COPS3: variants seen among roughly 807,000 people sequenced by gnomAD.
The protein encoded by COPS3 is COP9 signalosome subunit 3, also known as COP9 signalosome complex subunit 3.
Under a neutral mutation model 58.2 loss-of-function variants are expected in COPS3, and 10 were observed. The observed-to-expected ratio is 0.17, with a 90% CI of 0.11 to 0.29. The LOEUF is 0.29. Ranked by LOEUF, COPS3 falls within the 10% of genes least tolerant of loss-of-function variation. The probability of loss-of-function intolerance (pLI) is 1.00; values close to 1 mark genes in which losing one functional copy is unlikely to be tolerated. For missense variants in COPS3, 333 were observed against 510.1 expected, an observed-to-expected ratio of 0.65 and a Z score of 3.34; for synonymous variants, 187 against 181.7, an observed-to-expected ratio of 1.03 and a Z score of -0.24.
chr17:17,248,635 C>T (rs546517230), intron 10 of COPS3, among the ~76,000 whole-genome samples: 82 of 152,166 alleles, frequency 5.4e-4, no homozygotes, highest in Non-Finnish European at 9.0e-4. Context: ...TTTTAAGCAG[C>T]CCATTCTGGG....
chr17:17,268,763 G>A (rs1347322640), intron 4 of COPS3, among the ~76,000 whole-genome samples: 1 of 151,864 alleles, frequency 6.6e-6, no homozygotes, highest in Non-Finnish European at 1.5e-5. Context: ...AGGTTGCAGT[G>A]AGCTGAGATC....
intron 6 of COPS3, among the ~76,000 whole-genome samples, chr17:17,262,330 G>C (rs548685200): frequency 5.3e-5 from 8 of 152,238 alleles, no homozygotes; most frequent in Admixed American, 5.2e-4. Context: ...ATGTAATTAT[G>C]GCTCACTGTA....
chr17:17,249,445 T>A (rs1056046648), intron 9 of COPS3, among the ~76,000 whole-genome samples: 1 of 152,162 alleles, frequency 6.6e-6, no homozygotes, highest in East Asian at 1.9e-4. Flanking sequence ...TGCCTCAGCC[T>A]CCCAAGTAAC....
intron 9 of COPS3, among the ~76,000 whole-genome samples, chr17:17,252,481 C>T (rs778234982): frequency 1.5e-4 from 19 of 129,036 alleles, no homozygotes; most frequent in African/African-American, 5.6e-4. Context: ...CACTGCAGGA[C>T]GTTTAGCAGC....
rs751587807 is a variant in COPS3, at chr17:17,268,852, ATAT to A, written c.349-878_349-876del. ...AACAACAACAACAACAACAACAAAA[ATAT>A]ATATATATATATGTGAAGAGACTAA... is the stretch of plus-strand genomic sequence containing the variant. On this transcript the variant is annotated intron_variant, in intron 4 of 11. Transcript: ENST00000268717. Among the ~76,000 whole-genome samples, 258 of 44,580 alleles carry A rather than the reference ATAT, an allele frequency of 5.8e-3. 1 individual carries two copies. Among genetic ancestry groups the A allele is most frequent in the Admixed American group, 0.022 (84 of 3,840 alleles). 29.2% of individuals were successfully genotyped at this position (44,580 alleles called of 152,430 possible).
chr17:17,273,479 T>C (rs991490248), intron 2 of COPS3, among the ~76,000 whole-genome samples: 28 of 152,102 alleles, frequency 1.8e-4, no homozygotes, highest in African/African-American at 6.8e-4. Flanking sequence ...GCACAGTGGC[T>C]CACACCTGTA....
At chr17:17,248,460 G>A (rs372040272) in intron 10 of COPS3, among the ~76,000 whole-genome samples, 4 of 152,046 alleles carry the variant, frequency 2.6e-5, no homozygotes, top group South Asian at 2.1e-4. Flanking sequence ...GATTACAGGC[G>A]TGCACCACCA....
At chr17:17,248,661 T>C (rs1202296777) in intron 10 of COPS3, among the ~76,000 whole-genome samples, 3 of 152,122 alleles carry the variant, frequency 2.0e-5, no homozygotes, top group Non-Finnish European at 4.4e-5. Flanking sequence ...TTTGTTGTTG[T>C]TGCTGCTTTT....
At chr17:17,258,917 C>T (rs908981562) in intron 8 of COPS3, among the ~76,000 whole-genome samples, 16 of 152,140 alleles carry the variant, frequency 1.1e-4, no homozygotes, top group African/African-American at 3.9e-4. Flanking sequence ...GCTAGTCTTT[C>T]TAGAGTATTT....
intron 5 of COPS3, among the ~76,000 whole-genome samples, chr17:17,265,923 G>A (rs923181462): frequency 2.6e-5 from 4 of 152,144 alleles, no homozygotes; most frequent in Non-Finnish European, 5.9e-5. Flanking sequence ...TAATCCTTTA[G>A]GTAAATACAG....
chr17:17,269,806 T>G (rs1597693013), intron 4 of COPS3, among the ~76,000 whole-genome samples: 1 of 152,180 alleles, frequency 6.6e-6, no homozygotes, highest in Admixed American at 6.5e-5. Flanking sequence ...AAGACAGTCC[T>G]TTTCACTGGG....
At position 17,280,639 on chromosome 17, in the gene COPS3, C is replaced by T. The variant is rs1438483512; in HGVS notation, c.55+493G>A. The T allele has an allele frequency of 2.3e-6, 3 of 1,304,220 alleles. No individual in the cohort carries two copies. The Admixed American group carries it at 6.9e-5, about 30-fold the overall frequency. 80.8% of individuals were successfully genotyped at this position (1,304,220 alleles called of 1,614,324 possible). On this transcript the variant is annotated intron_variant, in intron 1 of 11. Transcript: ENST00000268717. ...CGCACAGGTTCCCGAGCGTGCGCCG[C>T]CTGGCAGCGGAGGAGCTGGCAGAGG...
At chr17:17,273,631 G>C (rs2048398086) in intron 2 of COPS3, among the ~76,000 whole-genome samples, 1 of 152,016 alleles carries the variant, frequency 6.6e-6, no homozygotes, top group South Asian at 2.1e-4. Context: ...TGGGCAGATT[G>C]CTTGAGCTCA....
At chr17:17,264,677 C>G in intron 6 of COPS3, 125 bp downstream of exon 6, 1 of 710,214 alleles carries the variant, frequency 1.4e-6, no homozygotes, top group Non-Finnish European at 2.3e-6. Context: ...GAGAAGTAGT[C>G]TCTGAAAGGA....
intron 9 of COPS3, among the ~76,000 whole-genome samples, chr17:17,250,221 A>T (rs1252207286): frequency 6.7e-6 from 1 of 150,218 alleles, no homozygotes; most frequent in Non-Finnish European, 1.5e-5. Flanking sequence ...GCATTTTTCA[A>T]CATCAGCTGC....
Position 17,276,021 on chromosome 17 carries a change from A to G in COPS3, c.185+14T>C. The G allele has an allele frequency of 6.2e-7, 1 of 1,611,726 alleles. No homozygotes were observed. The highest frequency in any genetic ancestry group is 8.5e-7 in the Non-Finnish European group (1 of 1,178,488). Reference sequence around the variant, plus strand: ...TTTAACAAGCACAGAACTATAAAAGAAGATGCTCCTTACAAAACAGCAAGG... The same window carrying G: ...TTTAACAAGCACAGAACTATAAAAGGAGATGCTCCTTACAAAACAGCAAGG... On this transcript the variant is annotated intron_variant, in intron 2 of 11. Transcript: ENST00000268717.
intron 4 of COPS3, among the ~76,000 whole-genome samples, chr17:17,268,864 A>G (rs2048287259): frequency 6.6e-6 from 1 of 152,010 alleles, no homozygotes; most frequent in Non-Finnish European, 1.5e-5. Context: ...ATATATATAT[A>G]TATGTGAAGA....
intron 5 of COPS3, among the ~76,000 whole-genome samples, chr17:17,266,219 C>A (rs894135037): frequency 1.3e-5 from 2 of 152,264 alleles, no homozygotes; most frequent in East Asian, 3.9e-4. Context: ...TAGAATACTC[C>A]GTACCTGTAG....
Position 17,256,608 on chromosome 17 carries a change from C to CT in COPS3, c.937-1664dup, listed in dbSNP as rs113503910. Among the ~76,000 whole-genome samples the CT allele has an allele frequency of 7.7e-3, 1,144 of 148,300 alleles. 16 individuals are homozygous for CT. Among genetic ancestry groups the CT allele is most frequent in the African/African-American group, 0.025 (1,023 of 40,476 alleles). The stretch of plus-strand genomic sequence containing the variant: ...ATTAAAACCCTCATCTTGAAAATTC[C>CT]TTTTTTTTTTGAGATGGAGTCTTGC... On this transcript the variant is annotated intron_variant, in intron 8 of 11. Coordinates refer to ENST00000268717, the MANE Select transcript of COPS3 (RefSeq NM_003653.4).
Sources: allele counts gnomAD v4.1 joint callset (sites outside exome capture counted in the v4.1 genomes callset), GRCh38; gene constraint gnomAD v4.1.1; transcripts MANE v1.5; gene names NCBI Gene and HGNC (gene_info 2026-07-23, HGNC 2026-07-21).